DGKI: variants seen among roughly 807,000 people sequenced by gnomAD.
DGKI encodes the protein DAG kinase iota.
A neutral mutation model predicts 147.5 loss-of-function variants in DGKI; 55 were observed. That is an observed-to-expected ratio of 0.37 (90% CI 0.30 to 0.47). DGKI has a LOEUF of 0.47. DGKI is among the 20% of genes least tolerant of loss of function. The probability of loss-of-function intolerance (pLI) is 1.00; values close to 1 mark genes in which losing one functional copy is unlikely to be tolerated. For synonymous variants in DGKI, 469 were observed against 477.1 expected (o/e 0.98, Z 0.22); for missense variants, 1,007 against 1,323.8 (o/e 0.76, Z 3.71).
At chr7:137,630,046 T>C (rs1161363389) in intron 6 of DGKI, among the ~76,000 whole-genome samples, 1 of 152,230 alleles carries the variant, frequency 6.6e-6, no homozygotes, top group African/African-American at 2.4e-5. Context: ...TATTCATCTA[T>C]ATTGGATTAT....
At chr7:137,679,862 C>T (rs138082493) in intron 2 of DGKI, among the ~76,000 whole-genome samples, 8,090 of 151,508 alleles carry the variant, frequency 0.053, 671 homozygotes, top group African/African-American at 0.18. Flanking sequence ...TGGTGGTGGG[C>T]GCCTGTTAAT....
chr7:137,842,122 T>C (rs1337956782), intron 1 of DGKI, among the ~76,000 whole-genome samples: 8 of 152,182 alleles, frequency 5.3e-5, no homozygotes, highest in Non-Finnish European at 1.2e-4. Context: ...TCTTTAAAAA[T>C]CTAACAGATG....
chr7:137,579,001 T>C (rs1472153902), intron 15 of DGKI, among the ~76,000 whole-genome samples: 1 of 152,198 alleles, frequency 6.6e-6, no homozygotes, highest in African/African-American at 2.4e-5. Flanking sequence ...GTGCTAAAAA[T>C]TCTTTCCATA....
chr7:137,680,541 A>T (rs925457977), intron 2 of DGKI, among the ~76,000 whole-genome samples: 1 of 152,208 alleles, frequency 6.6e-6, no homozygotes, highest in Non-Finnish European at 1.5e-5. Flanking sequence ...GCGCTTCAGG[A>T]GGCTGAGGCA....
intron 1 of DGKI, among the ~76,000 whole-genome samples, chr7:137,698,727 T>C (rs560402970): frequency 6.6e-6 from 1 of 152,320 alleles, no homozygotes; most frequent in African/African-American, 2.4e-5. Flanking sequence ...ATCGTTTTGC[T>C]ATGCCCATTT....
At chr7:137,618,151 A>ATATATATATATATATATATATATAT in intron 8 of DGKI, among the ~76,000 whole-genome samples, 5 of 10,462 alleles carry the variant, frequency 4.8e-4, no homozygotes, top group Non-Finnish European at 1.8e-3. Context: ...ATATATATAT[A>ATATATATATATATATATATATATAT]TTTTTTTTTT....
chr7:137,480,817 T>C (rs1815346203), intron 23 of DGKI, among the ~76,000 whole-genome samples: 1 of 152,132 alleles, frequency 6.6e-6, no homozygotes, highest in Admixed American at 6.6e-5. Flanking sequence ...ATTCCTACCA[T>C]TTAATGCCCC....
intron 28 of DGKI, among the ~76,000 whole-genome samples, chr7:137,432,790 G>T (rs961735537): frequency 6.6e-6 from 1 of 152,098 alleles, no homozygotes; most frequent in Non-Finnish European, 1.5e-5. Flanking sequence ...CAATACTATG[G>T]GGTCATTAGG....
At chr7:137,808,963 A>AC (rs371921561) in intron 1 of DGKI, among the ~76,000 whole-genome samples, 34 of 151,990 alleles carry the variant, frequency 2.2e-4, no homozygotes, top group African/African-American at 6.3e-4. Context: ...CAAACTCCAC[A>AC]CCCCCCCAGG....
At chr7:137,737,204 C>CAAAAAA (rs763572711) in intron 1 of DGKI, among the ~76,000 whole-genome samples, 2 of 83,490 alleles carry the variant, frequency 2.4e-5, no homozygotes, top group African/African-American at 3.9e-5. Flanking sequence ...CTCATTTCAC[C>CAAAAAA]AAAAAAAAAA....
At chr7:137,807,954 T>C (rs751728084) in intron 1 of DGKI, among the ~76,000 whole-genome samples, 3 of 152,186 alleles carry the variant, frequency 2.0e-5, no homozygotes, top group Non-Finnish European at 2.9e-5. Context: ...TGTGTATGAC[T>C]GTGTCCCCCA....
intron 30 of DGKI, among the ~76,000 whole-genome samples, chr7:137,402,719 A>G (rs1811806056): frequency 6.6e-6 from 1 of 152,146 alleles, no homozygotes; most frequent in Non-Finnish European, 1.5e-5. Context: ...CCAGCAGACC[A>G]TTCCAAATCC....
intron 21 of DGKI, among the ~76,000 whole-genome samples, chr7:137,503,358 T>C (rs1816251028): frequency 6.6e-6 from 1 of 152,230 alleles, no homozygotes; most frequent in African/African-American, 2.4e-5. Context: ...CTTGTTTTGC[T>C]ATTAAAATTC....
intron 21 of DGKI, among the ~76,000 whole-genome samples, chr7:137,509,169 C>T (rs1331225573): frequency 6.6e-6 from 1 of 152,196 alleles, no homozygotes. Flanking sequence ...ATTGACCAAC[C>T]TCCCCACAAC....
At chr7:137,620,081 C>T (rs1268965344) in intron 7 of DGKI, 141 bp from the exon 8 acceptor site, 1 of 615,452 alleles carries the variant, frequency 1.6e-6, no homozygotes, top group Non-Finnish European at 2.9e-6. Context: ...AATACATATG[C>T]ATGCACACAT....
chr7:137,522,031 A>C (rs1047969170), intron 20 of DGKI, 65 bp from the exon 21 acceptor site: 1 of 1,139,968 alleles, frequency 8.8e-7, no homozygotes, highest in South Asian at 1.3e-5. Flanking sequence ...CATGCACCTG[A>C]AGGAATAAGG....
intron 8 of DGKI, among the ~76,000 whole-genome samples, chr7:137,616,352 T>C (rs1729504261): frequency 6.6e-6 from 1 of 152,198 alleles, no homozygotes; most frequent in East Asian, 1.9e-4. Context: ...TTAGCTCTTC[T>C]TACTATTATT....
chr7:137,609,136 G>T (rs967970025), intron 9 of DGKI, 72 bp from the exon 10 acceptor site: 7 of 1,153,612 alleles, frequency 6.1e-6, no homozygotes, highest in Non-Finnish European at 7.7e-6. Flanking sequence ...CAAGGGAGGT[G>T]GAAAACCACC....
intron 1 of DGKI, among the ~76,000 whole-genome samples, chr7:137,703,457 C>T (rs1489592661): frequency 2.0e-5 from 3 of 152,154 alleles, no homozygotes; most frequent in African/African-American, 7.2e-5. Context: ...AAAAGGGAGG[C>T]ATTACACAAA....
Sources: allele counts gnomAD v4.1 joint callset (sites outside exome capture counted in the v4.1 genomes callset), GRCh38; gene constraint gnomAD v4.1.1; transcripts MANE v1.5; gene names NCBI Gene and HGNC (gene_info 2026-07-23, HGNC 2026-07-21).